KLHL6: variants seen among roughly 807,000 people sequenced by gnomAD.
KLHL6 encodes kelch-like protein 6.
In KLHL6, 41 loss-of-function variants were observed where a neutral mutation model predicts 58.6. The observed-to-expected ratio is 0.70, with a 90% CI of 0.55 to 0.91. KLHL6 has a LOEUF of 0.91. Ranked by LOEUF, KLHL6 falls within the 40% of genes least tolerant of loss-of-function variation. KLHL6 has a pLI of 0.00. For missense variants in KLHL6, 714 were observed against 805.6 expected (o/e 0.89, Z 1.38); for synonymous variants, 338 against 322.7 (o/e 1.05, Z -0.51).
intron 2 of KLHL6, among the ~76,000 whole-genome samples, chr3:183,510,743 A>AAAG (rs1560097395): frequency 2.6e-5 from 4 of 151,770 alleles, no homozygotes; most frequent in African/African-American, 9.7e-5. Flanking sequence ...GCGTGGTGGC[A>AAAG]CATGCCTGTA....
intron 1 of KLHL6, among the ~76,000 whole-genome samples, chr3:183,540,140 G>C (rs1220202155): frequency 6.6e-6 from 1 of 152,312 alleles, no homozygotes; most frequent in East Asian, 1.9e-4. Context: ...GATGGGAATA[G>C]GAAGAAGCCA....
intron 1 of KLHL6, among the ~76,000 whole-genome samples, chr3:183,536,497 G>C (rs992508199): frequency 2.0e-5 from 3 of 152,250 alleles, no homozygotes; most frequent in African/African-American, 7.2e-5. Context: ...TTGGCAGGCA[G>C]AGGAGGGACT....
intron 1 of KLHL6, among the ~76,000 whole-genome samples, chr3:183,543,063 CG>C (rs1328326171): frequency 1.3e-5 from 2 of 152,128 alleles, no homozygotes; most frequent in Non-Finnish European, 2.9e-5. Flanking sequence ...GAGGCTGAGG[CG>C]GGCAGATCAC....
intron 1 of KLHL6, among the ~76,000 whole-genome samples, chr3:183,552,921 C>T (rs1712983038): frequency 6.6e-6 from 1 of 151,994 alleles, no homozygotes; most frequent in Admixed American, 6.6e-5. Flanking sequence ...GGCTCACCGT[C>T]GGTAGGCTGG....
intron 1 of KLHL6, among the ~76,000 whole-genome samples, chr3:183,539,274 A>T (rs1219010719): frequency 2.6e-5 from 4 of 152,210 alleles, no homozygotes; most frequent in African/African-American, 9.6e-5. Context: ...CAGCCTTCCT[A>T]GAATTCCATG....
intron 2 of KLHL6, among the ~76,000 whole-genome samples, chr3:183,514,104 C>T (rs548098687): frequency 6.6e-6 from 1 of 152,340 alleles, no homozygotes; most frequent in East Asian, 1.9e-4. Flanking sequence ...AGGCTCCCAA[C>T]TAGTGCTGGG....
At chr3:183,525,716 T>C (rs865817694) in intron 2 of KLHL6, among the ~76,000 whole-genome samples, 3 of 152,208 alleles carry the variant, frequency 2.0e-5, no homozygotes, top group Non-Finnish European at 4.4e-5. Flanking sequence ...TCACATCTAA[T>C]GTGACCCCAA....
intron 1 of KLHL6, among the ~76,000 whole-genome samples, chr3:183,550,058 A>G (rs1459038882): frequency 6.6e-6 from 1 of 152,138 alleles, no homozygotes; most frequent in Non-Finnish European, 1.5e-5. Flanking sequence ...TGAAAATATG[A>G]CCTATACAAA....
chr3:183,540,080 G>C (rs945522455), intron 1 of KLHL6, among the ~76,000 whole-genome samples: 2 of 152,110 alleles, frequency 1.3e-5, no homozygotes, highest in African/African-American at 4.8e-5. Flanking sequence ...CAGATCTTCC[G>C]TTGGGAAACA....
At chr3:183,533,211 A>G (rs1414466442) in intron 1 of KLHL6, among the ~76,000 whole-genome samples, 1 of 151,700 alleles carries the variant, frequency 6.6e-6, no homozygotes, top group Non-Finnish European at 1.5e-5. Context: ...CCTCCTCTCT[A>G]TCCCACACTT....
chr3:183,505,450 A>G (rs1291170464), intron 3 of KLHL6, among the ~76,000 whole-genome samples: 1 of 152,238 alleles, frequency 6.6e-6, no homozygotes, highest in Non-Finnish European at 1.5e-5. Context: ...GTCTCAAATC[A>G]GTGGCCTCCA....
Position 183,499,044 on chromosome 3 carries a change from T to C in KLHL6, c.1147+546A>G, listed in dbSNP as rs1404513604. On this transcript the variant is annotated intron_variant, in intron 4 of 6. Transcript: ENST00000341319. This position sits in a 1 kb window ranked among gnomAD's most constrained non-coding sequence, Gnocchi z 4.6. ...GTCTGCCTCCTCCCCAGGTTTTCTATTAATAGTACAACGCTGGCCGGACGA... is the reference window on the plus strand; with the variant it reads ...GTCTGCCTCCTCCCCAGGTTTTCTACTAATAGTACAACGCTGGCCGGACGA... Among the ~76,000 whole-genome samples, 2 of 152,206 alleles carry C rather than the reference T, an allele frequency of 1.3e-5. No individual in the cohort carries two copies. Among genetic ancestry groups the C allele is most frequent in the Non-Finnish European group, 2.9e-5 (2 of 68,044 alleles).
chr3:183,547,001 G>C (rs553148576), intron 1 of KLHL6, among the ~76,000 whole-genome samples: 4 of 148,474 alleles, frequency 2.7e-5, no homozygotes, highest in Admixed American at 6.9e-5. Flanking sequence ...AACCTCCGCC[G>C]TCCGGGTTCA....
intron 1 of KLHL6, among the ~76,000 whole-genome samples, chr3:183,554,042 A>G (rs1291799476): frequency 6.6e-6 from 1 of 152,186 alleles, no homozygotes; most frequent in Non-Finnish European, 1.5e-5. Flanking sequence ...ATCGTTTTCA[A>G]TTTCCTCAGC....
At chr3:183,494,586 C>G (rs1453509399) in intron 4 of KLHL6, among the ~76,000 whole-genome samples, 1 of 152,190 alleles carries the variant, frequency 6.6e-6, no homozygotes, top group African/African-American at 2.4e-5. Flanking sequence ...AGGACCCAAG[C>G]CAGCCTGGGT....
At chr3:183,493,794 T>A in intron 5 of KLHL6, 1 of 426,678 alleles carries the variant, frequency 2.3e-6, no homozygotes. Flanking sequence ...AGATCTCCCA[T>A]CTAAGGACAG....
chr3:183,545,493 C>A (rs1577204027), intron 1 of KLHL6, among the ~76,000 whole-genome samples: 1 of 152,160 alleles, frequency 6.6e-6, no homozygotes, highest in East Asian at 1.9e-4. Flanking sequence ...TTGGGAGCTG[C>A]ATGGAAGATT....
chr3:183,500,877 G>A (rs1717848842), intron 3 of KLHL6, among the ~76,000 whole-genome samples: 1 of 152,142 alleles, frequency 6.6e-6, no homozygotes, highest in East Asian at 1.9e-4. Context: ...GCCCATAGGT[G>A]GTAACAAATA....
intron 3 of KLHL6, among the ~76,000 whole-genome samples, chr3:183,502,696 T>C (rs1879781): frequency 0.95 from 145,003 of 152,236 alleles, 69,124 homozygotes; most frequent in East Asian, 1. Context: ...AGCTTGAATC[T>C]CATAATGAAC....
Sources: gnomAD v4.1 joint callset for allele counts (sites outside exome capture counted in the v4.1 genomes callset) on GRCh38, gnomAD v4.1.1 for gene constraint, Gnocchi (gnomAD v3.1) non-coding constraint, MANE v1.5 for transcripts, NCBI Gene and HGNC (gene_info 2026-07-23, HGNC 2026-07-21) for gene names.